NDUFAF7: variants seen among roughly 807,000 people sequenced by gnomAD.
NDUFAF7 encodes the protein NADH:ubiquinone oxidoreductase complex assembly factor 7.
NDUFAF7 carries 48 observed loss-of-function variants against 47.2 expected under a neutral mutation model. That is an observed-to-expected ratio of 1.02 (90% CI 0.81 to 1.29). The LOEUF is 1.29. NDUFAF7 is among the 50% of genes most tolerant of loss of function. NDUFAF7 has a pLI of 0.00. For synonymous variants in NDUFAF7, 217 were observed against 190.0 expected (o/e 1.14, Z -1.17); for missense variants, 635 against 537.6 (o/e 1.18, Z -1.79).
Position 37,236,091 on chromosome 2 carries a change from C to T in NDUFAF7, c.217-5C>T, listed in dbSNP as rs1013217488. 4.4e-6 allele frequency: 7 copies of T among 1,608,634 alleles called. No homozygotes were observed. The highest frequency in any genetic ancestry group is 5.1e-6 in the Non-Finnish European group (6 of 1,175,338). ...TTTGTTTCTCTATTTTCTCTTTTTA[C>T]TCAGGGTTATTATGTGTACCGTGAC... is the stretch of plus-strand genomic sequence containing the variant. On this transcript the variant is annotated splice_polypyrimidine_tract_variant and splice_region_variant and intron_variant, in intron 2 of 9. Coordinates refer to ENST00000002125, the MANE Select transcript of NDUFAF7 (RefSeq NM_144736.5).
chr2:37,269,604 T>C, the NDUFAF7 span: 6 of 1,599,758 alleles, frequency 3.8e-6, no homozygotes, highest in African/African-American at 2.7e-5. Context: ...CAAACGGCTG[T>C]AGTTGCTTAC....
the NDUFAF7 span, among the ~76,000 whole-genome samples, chr2:37,264,747 A>C: frequency 6.7e-6 from 1 of 148,904 alleles, no homozygotes; most frequent in East Asian, 1.9e-4. Context: ...TTTGGGGGGG[A>C]AAAAAAAAGA....
At chr2:37,255,694 G>C (rs1481478196), downstream of NDUFAF7, among the ~76,000 whole-genome samples, 1 of 152,148 alleles carries the variant, frequency 6.6e-6, no homozygotes, top group East Asian at 1.9e-4. Flanking sequence ...AGTCAATTAT[G>C]AAAAGAATGA....
Position 37,241,722 on chromosome 2 carries a change from T to C in NDUFAF7, c.553T>C (p.Tyr185His). Residue 185 changes from tyrosine (Y) to histidine (H), a missense_variant, in exon 5 of 10, where the codon TAT becomes CAT. Physicochemically the swap from Tyr to His is moderately conservative, Grantham distance 83. Coordinates refer to ENST00000002125, the MANE Select transcript of NDUFAF7 (RefSeq NM_144736.5). ...PLERNAGSPV[Y>H]MKGVTKSGIP... The stretch of plus-strand genomic sequence containing the variant: ...AGAGCGAAATGCTGGATCCCCAGTG[T>C]ATATGAAAGGTGTCACTAAGTCTGG... 6.2e-7 allele frequency: 1 copy of C among 1,614,040 alleles called. No homozygotes were observed. The highest frequency in any genetic ancestry group is 1.1e-5 in the South Asian group (1 of 91,082).
At chr2:37,233,223 C>T (rs934145018) in intron 2 of NDUFAF7, among the ~76,000 whole-genome samples, 1 of 152,036 alleles carries the variant, frequency 6.6e-6, no homozygotes. Flanking sequence ...CAGACAGGAC[C>T]AGGTTTGGAG....
intron 2 of NDUFAF7, among the ~76,000 whole-genome samples, chr2:37,234,207 A>C (rs1359555220): frequency 4.6e-5 from 7 of 152,114 alleles, no homozygotes; most frequent in Non-Finnish European, 2.9e-5. Context: ...CTTGTGCCTC[A>C]GCCTCCCGAG....
At chr2:37,268,735 A>G in the NDUFAF7 span, 77 of 164,556 alleles carry the variant, frequency 4.7e-4, no homozygotes, top group Non-Finnish European at 5.2e-5. Flanking sequence ...GGCAAAGGGT[A>G]TGGAGGCATG....
rs1667066167 is a variant in NDUFAF7, at chr2:37,247,593, A to G, written c.1074A>G (p.Thr358=). 6.2e-7 allele frequency: 1 copy of G among 1,614,052 alleles called. No homozygotes were observed. Among genetic ancestry groups the G allele is most frequent in the Non-Finnish European group, 8.5e-7 (1 of 1,179,962 alleles). The change falls in exon 9 of 10, where the codon ACA becomes ACG. Residue 358 remains threonine (T), a synonymous_variant. Coordinates refer to ENST00000002125, the MANE Select transcript of NDUFAF7 (RefSeq NM_144736.5). ...VASLGPIKQH[T]FLKNMGIDVR... is the part of the protein sequence containing the mutation. The stretch of plus-strand genomic sequence containing the variant: ...CTCTGGGCCCAATAAAACAACACAC[A>G]TTTTTAAAAAATATGGGTATTGATG...
In NDUFAF7 at chr2:37,248,765, C is replaced by G. The variant is rs554819494; in HGVS notation, c.*415C>G. On this transcript the variant is annotated 3_prime_UTR_variant, in exon 10 of 10. Coordinates refer to ENST00000002125, the MANE Select transcript of NDUFAF7 (RefSeq NM_144736.5). ...CCCCATCTCTACTAAAAATACAAAA[C>G]TAGCCGGGTATGGTGGTACATGCCT... is the stretch of plus-strand genomic sequence containing the variant. The G allele has an allele frequency of 3.9e-6, 1 of 254,404 alleles. No individual in the cohort carries two copies. The highest frequency in any genetic ancestry group is 2.3e-5 in the African/African-American group (1 of 44,180). 15.8% of individuals were successfully genotyped at this position (254,404 alleles called of 1,614,324 possible).
the NDUFAF7 span, chr2:37,268,531 A>G: frequency 5.8e-6 from 2 of 344,104 alleles, no homozygotes; most frequent in East Asian, 1.7e-4. Flanking sequence ...ACAATAATGT[A>G]AACCCAAAGG....
At chr2:37,253,587 A>T (rs1667690231), downstream of NDUFAF7, among the ~76,000 whole-genome samples, 1 of 152,072 alleles carries the variant, frequency 6.6e-6, no homozygotes, top group East Asian at 1.9e-4. Context: ...TTCTGAAATT[A>T]AAAAAAATTT....
chr2:37,260,682 TAATTTC>T, the NDUFAF7 span, among the ~76,000 whole-genome samples: 1 of 152,206 alleles, frequency 6.6e-6, no homozygotes, highest in Admixed American at 6.5e-5. Flanking sequence ...GACACTGCTC[TAATTTC>T]ATGCTTTCCC....
the NDUFAF7 span, chr2:37,269,175 T>C: frequency 5.2e-6 from 1 of 193,294 alleles, no homozygotes; most frequent in East Asian, 1.2e-4. Flanking sequence ...ACTTCATCAA[T>C]ATCCTAAATC....
downstream of NDUFAF7, chr2:37,253,444 G>A (rs1047800471): frequency 4.7e-6 from 5 of 1,055,962 alleles, no homozygotes; most frequent in African/African-American, 3.2e-5. Flanking sequence ...GTTGTTTAGT[G>A]CCCTAGTCAA....
At chr2:37,243,832 A>C (rs1381610616) in intron 6 of NDUFAF7, 31 bp from the exon 7 acceptor site, 7 of 1,588,622 alleles carry the variant, frequency 4.4e-6, no homozygotes, top group South Asian at 1.1e-5. Context: ...AACTTGCAAA[A>C]ATTTGTTTTT....
intron 7 of NDUFAF7, 147 bp from the exon 8 acceptor site, chr2:37,245,904 GA>G: frequency 1.2e-6 from 1 of 843,192 alleles, no homozygotes; most frequent in African/African-American, 1.7e-5. Context: ...GGAGTCAGGT[GA>G]AAAGTTGAGT....
intron 2 of NDUFAF7, among the ~76,000 whole-genome samples, chr2:37,232,492 G>C (rs1399125092): frequency 6.6e-6 from 1 of 152,214 alleles, no homozygotes; most frequent in Non-Finnish European, 1.5e-5. Context: ...GGGTGTTTAG[G>C]AGACAGAATG....
Position 37,249,000 on chromosome 2 carries a change from ATATGT to A in NDUFAF7, c.*654_*658del, listed in dbSNP as rs1225673095. 2.6e-5 allele frequency: 4 copies of A among 152,764 alleles called. No individual in the cohort carries two copies. The highest frequency in any genetic ancestry group is 5.8e-5 in the Non-Finnish European group (4 of 68,454). The allele number at this position is 152,764 out of a possible 1,614,324, so 9.5% of individuals were successfully genotyped here. A position where few individuals can be genotyped will look rare whatever the true frequency, so the allele number is the denominator to read the frequency against. ...GCTATTCACAGGAAACTGATAAGAT[ATATGT>A]TATTTTTTTAAATGAGCTAGGGCAA... On this transcript the variant is annotated 3_prime_UTR_variant, in exon 10 of 10. Transcript: ENST00000002125.
intron 8 of NDUFAF7, 178 bp from the exon 9 acceptor site, chr2:37,247,278 T>G: frequency 1.5e-6 from 1 of 687,254 alleles, no homozygotes; most frequent in Non-Finnish European, 2.5e-6. Flanking sequence ...TTCTGATGCA[T>G]GGTTGATGCA....
Sources: gnomAD v4.1 joint callset for allele counts (sites outside exome capture counted in the v4.1 genomes callset) on GRCh38, gnomAD v4.1.1 for gene constraint, MANE v1.5 for transcripts, NCBI Gene and HGNC (gene_info 2026-07-23, HGNC 2026-07-21) for gene names.